RIMS1: variants seen among roughly 807,000 people sequenced by gnomAD.
RIMS1 encodes the protein regulating synaptic membrane exocytosis 1, also known as regulating synaptic membrane exocytosis protein 1.
A neutral mutation model predicts 214.1 loss-of-function variants in RIMS1; 83 were observed. The observed-to-expected ratio is 0.39, with a 90% CI of 0.32 to 0.47. RIMS1 has a LOEUF of 0.47. RIMS1 is among the 20% of genes least tolerant of loss of function. The probability of loss-of-function intolerance (pLI) is 0.99; values close to 1 mark genes in which losing one functional copy is unlikely to be tolerated. For synonymous variants in RIMS1, 793 were observed against 786.8 expected (o/e 1.01, Z -0.13); for missense variants, 2,050 against 2,161.8 (o/e 0.95, Z 1.03).
intron 4 of RIMS1, among the ~76,000 whole-genome samples, chr6:72,134,512 T>C (rs1046222142): frequency 6.6e-6 from 1 of 152,032 alleles, no homozygotes; most frequent in African/African-American, 2.4e-5. Flanking sequence ...AACTTAGAAG[T>C]GTAAAAGAAT....
intron 2 of RIMS1, among the ~76,000 whole-genome samples, chr6:71,989,780 A>G (rs536346679): frequency 1.1e-3 from 172 of 152,316 alleles, no homozygotes; most frequent in Non-Finnish European, 2.1e-3. Context: ...CCTCCCTATC[A>G]TGGAATAGGA....
intron 24 of RIMS1, 59 bp downstream of exon 24, chr6:72,284,177 C>A: frequency 7.2e-7 from 1 of 1,383,556 alleles, no homozygotes; most frequent in Non-Finnish European, 1.0e-6. Flanking sequence ...TTTAGGGGTG[C>A]TGTCACTCTC....
chr6:72,111,020 C>G (rs1000757150), intron 4 of RIMS1, among the ~76,000 whole-genome samples: 4 of 152,108 alleles, frequency 2.6e-5, no homozygotes, highest in African/African-American at 9.7e-5. Context: ...GTTTCCACCT[C>G]AAAACTATTC....
At chr6:72,102,400 T>G (rs992901557) in intron 4 of RIMS1, among the ~76,000 whole-genome samples, 4 of 151,978 alleles carry the variant, frequency 2.6e-5, no homozygotes, top group Non-Finnish European at 5.9e-5. Flanking sequence ...TTCTTATTCT[T>G]TCAACATATG....
intron 23 of RIMS1, among the ~76,000 whole-genome samples, chr6:72,280,298 A>G (rs1184593578): frequency 1.3e-5 from 2 of 152,024 alleles, no homozygotes; most frequent in Non-Finnish European, 2.9e-5. Context: ...TCATTTTAGT[A>G]TGATCTATTT....
chr6:72,020,541 C>A (rs1814294329), intron 2 of RIMS1, among the ~76,000 whole-genome samples: 1 of 152,202 alleles, frequency 6.6e-6, no homozygotes. Flanking sequence ...GGGGTCTTCT[C>A]ACTCTCCTTC....
chr6:72,009,233 A>G (rs1292334657), intron 2 of RIMS1, among the ~76,000 whole-genome samples: 2 of 152,206 alleles, frequency 1.3e-5, no homozygotes, highest in Non-Finnish European at 2.9e-5. Context: ...TACTGGATAC[A>G]TAACGAAATG....
intron 8 of RIMS1, 38 bp downstream of exon 8, chr6:72,235,766 A>G (rs893310872): frequency 4.8e-6 from 6 of 1,241,180 alleles, no homozygotes; most frequent in African/African-American, 3.0e-5. Flanking sequence ...TAAAGGGTGA[A>G]TTACAGTATG....
At chr6:72,261,008 C>G (rs1277325564) in intron 19 of RIMS1, 19 of 1,293,324 alleles carry the variant, frequency 1.5e-5, no homozygotes, top group Non-Finnish European at 1.9e-5. Context: ...GTGGGCCTCT[C>G]TGGGACTGTT....
intron 2 of RIMS1, among the ~76,000 whole-genome samples, chr6:71,976,232 T>C (rs1311397568): frequency 6.6e-6 from 1 of 152,166 alleles, no homozygotes; most frequent in Non-Finnish European, 1.5e-5. Flanking sequence ...GTCTGTCTTT[T>C]ATATTATGGA....
intron 4 of RIMS1, among the ~76,000 whole-genome samples, chr6:72,120,859 C>A (rs2038135362): frequency 6.6e-6 from 1 of 151,908 alleles, no homozygotes. Flanking sequence ...CAGTTAACAG[C>A]TTTCTACATA....
intron 28 of RIMS1, 134 bp from the exon 29 acceptor site, chr6:72,333,466 A>G: frequency 1.1e-5 from 7 of 658,628 alleles, no homozygotes; most frequent in South Asian, 5.6e-5. Flanking sequence ...ATTTGTAGGT[A>G]TAGATCCACT....
chr6:71,923,779 G>T (rs920714868), intron 1 of RIMS1, among the ~76,000 whole-genome samples: 13 of 152,102 alleles, frequency 8.5e-5, no homozygotes, highest in Admixed American at 5.9e-4. Flanking sequence ...GATCAGGCTG[G>T]TCTTGAACTG....
At chr6:72,240,337 C>T (rs1328989000) in intron 9 of RIMS1, among the ~76,000 whole-genome samples, 1 of 152,016 alleles carries the variant, frequency 6.6e-6, no homozygotes, top group Non-Finnish European at 1.5e-5. Flanking sequence ...CTGCTGGTTG[C>T]AGCTCATTAT....
intron 2 of RIMS1, among the ~76,000 whole-genome samples, chr6:72,032,142 G>A (rs1818297107): frequency 6.6e-6 from 1 of 151,868 alleles, no homozygotes; most frequent in Admixed American, 6.6e-5. Flanking sequence ...GTGTGTGTAG[G>A]GGTGTGTGTT....
chr6:72,187,906 C>A (rs1296661019), intron 6 of RIMS1, among the ~76,000 whole-genome samples: 1 of 152,052 alleles, frequency 6.6e-6, no homozygotes, highest in African/African-American at 2.4e-5. Context: ...CTCACAGGGT[C>A]ACAAGGTGAG....
intron 1 of RIMS1, among the ~76,000 whole-genome samples, chr6:71,966,632 C>T (rs1406602987): frequency 1.3e-5 from 2 of 152,206 alleles, no homozygotes; most frequent in Non-Finnish European, 2.9e-5. Flanking sequence ...AGCAGTTCTC[C>T]TGCCTCAGCC....
chr6:72,161,085 A>T (rs2045333759), intron 4 of RIMS1, among the ~76,000 whole-genome samples: 1 of 139,618 alleles, frequency 7.2e-6, no homozygotes, highest in Admixed American at 7.3e-5. Context: ...GTCTATTAAG[A>T]GATTCCACTT....
Position 72,245,797 on chromosome 6 carries a change from A to T in RIMS1, c.2082-18A>T, listed in dbSNP as rs2069252873. ...TCATTTAACTAATGGGATTTTCACC[A>T]TATCCTGTTTCTTTTAGTGACATTC... On this transcript the variant is annotated intron_variant, in intron 10 of 33. Transcript: ENST00000521978. The T allele has an allele frequency of 2.3e-5, 37 of 1,601,870 alleles. No individual in the cohort carries two copies. Among genetic ancestry groups the T allele is most frequent in the Non-Finnish European group, 3.0e-5 (35 of 1,169,314 alleles).
Sources: allele counts gnomAD v4.1 joint callset (sites outside exome capture counted in the v4.1 genomes callset), GRCh38; gene constraint gnomAD v4.1.1; transcripts MANE v1.5; gene names NCBI Gene and HGNC (gene_info 2026-07-23, HGNC 2026-07-21).